The following TNIK variants were observed in gnomAD, a reference collection of about 807,000 sequenced individuals.
The protein encoded by TNIK is TRAF2 and NCK-interacting protein kinase.
In TNIK, 49 loss-of-function variants were observed where a neutral mutation model predicts 191.3. That is an observed-to-expected ratio of 0.26 (90% CI 0.20 to 0.32). The LOEUF is 0.32. TNIK is among the 10% of genes least tolerant of loss of function. TNIK has a pLI of 1.00. For missense variants in TNIK, 1,155 were observed against 1,702.3 expected (o/e 0.68, Z 5.66); for synonymous variants, 594 against 600.9 (o/e 0.99, Z 0.17).
chr3:171,314,669 C>T (rs1206753322), intron 2 of TNIK, among the ~76,000 whole-genome samples: 1 of 152,054 alleles, frequency 6.6e-6, no homozygotes. Flanking sequence ...GTTACCTGTC[C>T]TCCAAAACCT....
At chr3:171,216,298 A>G (rs1741444539) in intron 3 of TNIK, among the ~76,000 whole-genome samples, 1 of 152,236 alleles carries the variant, frequency 6.6e-6, no homozygotes, top group African/African-American at 2.4e-5. Context: ...AAATTTTTAA[A>G]ATCAGTAAAC....
chr3:171,206,335 G>GTATGTATATATA (rs1553855836), intron 4 of TNIK, among the ~76,000 whole-genome samples: 1 of 133,030 alleles, frequency 7.5e-6, no homozygotes, highest in African/African-American at 2.6e-5. Flanking sequence ...ATATGTTCGT[G>GTATGTATATATA]TATATATATA....
At chr3:171,108,261 T>C in intron 19 of TNIK, 99 bp from the exon 20 acceptor site, 3 of 918,230 alleles carry the variant, frequency 3.3e-6, no homozygotes, top group Non-Finnish European at 4.7e-6. Context: ...CACATTGAGA[T>C]TACTCAGTGG....
chr3:171,223,256 G>A (rs1742578070), intron 3 of TNIK, among the ~76,000 whole-genome samples: 1 of 152,190 alleles, frequency 6.6e-6, no homozygotes, highest in Non-Finnish European at 1.5e-5. Context: ...CCTCAGTGAG[G>A]ACTGTCTCCT....
At chr3:171,287,046 CAT>C (rs1394840222) in intron 2 of TNIK, among the ~76,000 whole-genome samples, 3 of 152,144 alleles carry the variant, frequency 2.0e-5, no homozygotes, top group African/African-American at 7.2e-5. Context: ...CATAGAAAAA[CAT>C]AAATCACTTT....
chr3:171,123,401 CACTGAAT>C (rs1728032159), intron 18 of TNIK, among the ~76,000 whole-genome samples, 188 bp downstream of exon 18: 1 of 152,248 alleles, frequency 6.6e-6, no homozygotes, highest in African/African-American at 2.4e-5. Context: ...ATGAGCCCCC[CACTGAAT>C]ACTGATTTCT....
chr3:171,220,589 C>A (rs1230464126), intron 3 of TNIK, among the ~76,000 whole-genome samples: 1 of 152,036 alleles, frequency 6.6e-6, no homozygotes, highest in African/African-American at 2.4e-5. Context: ...CAGAAGGAGA[C>A]CTTGTGTTCC....
intron 2 of TNIK, among the ~76,000 whole-genome samples, chr3:171,277,658 A>C (rs567390461): frequency 6.6e-6 from 1 of 152,120 alleles, no homozygotes; most frequent in Non-Finnish European, 1.5e-5. Flanking sequence ...TTGTAAATGA[A>C]GTTTTAATGG....
intron 17 of TNIK, among the ~76,000 whole-genome samples, chr3:171,124,991 G>C (rs1728275587): frequency 6.6e-6 from 1 of 151,856 alleles, no homozygotes; most frequent in Admixed American, 6.6e-5. Flanking sequence ...AAAATTATCA[G>C]CTTTTTTTAT....
At chr3:171,165,994 C>G (rs144905058) in intron 10 of TNIK, among the ~76,000 whole-genome samples, 1 of 152,302 alleles carries the variant, frequency 6.6e-6, no homozygotes, top group East Asian at 1.9e-4. Flanking sequence ...TAGTCAATCT[C>G]CAAGAACAAA....
intron 2 of TNIK, among the ~76,000 whole-genome samples, chr3:171,354,576 C>T (rs1036701284): frequency 6.6e-6 from 1 of 152,126 alleles, no homozygotes; most frequent in African/African-American, 2.4e-5. Context: ...AGCAAATGGG[C>T]CTCATAATCC....
intron 1 of TNIK, among the ~76,000 whole-genome samples, chr3:171,372,766 A>G (rs1258727375): frequency 6.6e-6 from 1 of 152,214 alleles, no homozygotes; most frequent in Non-Finnish European, 1.5e-5. Context: ...TGAGTGCCTC[A>G]GCAGTGGAGA....
intron 2 of TNIK, among the ~76,000 whole-genome samples, chr3:171,308,493 A>T (rs1560407272): frequency 1.3e-5 from 2 of 152,226 alleles, no homozygotes; most frequent in Admixed American, 6.5e-5. Flanking sequence ...TTCTAGACAT[A>T]GGCCCTGGCA....
chr3:171,343,807 C>T (rs943214696), intron 2 of TNIK, among the ~76,000 whole-genome samples: 2 of 152,110 alleles, frequency 1.3e-5, no homozygotes, highest in Non-Finnish European at 2.9e-5. Context: ...ATCATCACAA[C>T]CAAGTAGGTT....
At chr3:171,218,002 C>G (rs1278524286) in intron 3 of TNIK, among the ~76,000 whole-genome samples, 2 of 152,094 alleles carry the variant, frequency 1.3e-5, no homozygotes, top group Admixed American at 1.3e-4. Context: ...TGCAAAAGAC[C>G]TGGTAATAAT....
chr3:171,234,153 A>G (rs977157217), intron 2 of TNIK, among the ~76,000 whole-genome samples: 2 of 152,194 alleles, frequency 1.3e-5, no homozygotes, highest in African/African-American at 4.8e-5. Flanking sequence ...ATCTTTAGGA[A>G]TGCTACCTTT....
At chr3:171,088,315 A>T (rs760573176) in intron 23 of TNIK, among the ~76,000 whole-genome samples, 28 of 151,604 alleles carry the variant, frequency 1.8e-4, no homozygotes, top group Non-Finnish European at 2.6e-4. Flanking sequence ...GCTCACTGCA[A>T]CCTCTGCATC....
chr3:171,301,964 T>C (rs1173929977), intron 2 of TNIK, among the ~76,000 whole-genome samples: 1 of 152,208 alleles, frequency 6.6e-6, no homozygotes, highest in Non-Finnish European at 1.5e-5. Context: ...TACACATACA[T>C]ATACATACGT....
intron 2 of TNIK, among the ~76,000 whole-genome samples, chr3:171,270,407 G>A (rs1363395253): frequency 6.6e-6 from 1 of 152,126 alleles, no homozygotes; most frequent in African/African-American, 2.4e-5. Context: ...AATGTATGTG[G>A]AGCACCACTA....
Sources: allele counts gnomAD v4.1 joint callset (sites outside exome capture counted in the v4.1 genomes callset), GRCh38; gene constraint gnomAD v4.1.1; transcripts MANE v1.5; gene names NCBI Gene and HGNC (gene_info 2026-07-23, HGNC 2026-07-21).